Variants in RBFOX1 observed in about 807,000 individuals in gnomAD.
RBFOX1 encodes RNA binding protein fox-1 homolog 1.
In RBFOX1, 8 loss-of-function variants were observed where a neutral mutation model predicts 57.7. That is an observed-to-expected ratio of 0.14 (90% CI 0.08 to 0.25). The LOEUF (loss-of-function observed/expected upper bound fraction) is 0.25. RBFOX1 is among the 10% of genes least tolerant of loss of function. The probability of loss-of-function intolerance (pLI) is 1.00; values close to 1 mark genes in which losing one functional copy is unlikely to be tolerated. For missense variants in RBFOX1, 611 were observed against 548.5 expected (o/e 1.11, Z -1.14); for synonymous variants, 326 against 222.4 (o/e 1.47, Z -4.15).
At chr16:7,055,806 A>G (rs2051998151) in intron 4 of RBFOX1, among the ~76,000 whole-genome samples, 1 of 152,176 alleles carries the variant, frequency 6.6e-6, no homozygotes, top group Non-Finnish European at 1.5e-5. Flanking sequence ...GGAGTCTGCT[A>G]CAAAAGGAAT....
intron 4 of RBFOX1, among the ~76,000 whole-genome samples, chr16:7,094,357 G>T (rs553898817): frequency 3.2e-4 from 49 of 151,986 alleles, no homozygotes; most frequent in African/African-American, 1.2e-3. Flanking sequence ...AGAGAGCTTT[G>T]CCCATTGTCT....
At chr16:6,443,283 C>G (rs547243833) in intron 2 of RBFOX1, among the ~76,000 whole-genome samples, 1 of 152,132 alleles carries the variant, frequency 6.6e-6, no homozygotes, top group African/African-American at 2.4e-5. Flanking sequence ...TTCCTGCGTG[C>G]TATCTCTCAC....
chr16:5,771,003 A>G (rs2053959677), intron 3 of RBFOX1, among the ~76,000 whole-genome samples: 1 of 152,204 alleles, frequency 6.6e-6, no homozygotes, highest in Non-Finnish European at 1.5e-5. Context: ...GTGGTCTGCA[A>G]ACGAGCAGTG....
At chr16:7,108,956 A>G (rs1272618518) in intron 4 of RBFOX1, among the ~76,000 whole-genome samples, 1 of 152,180 alleles carries the variant, frequency 6.6e-6, no homozygotes, top group Non-Finnish European at 1.5e-5. Context: ...AAGGAGGAGA[A>G]AAGCATGAAG....
intron 1 of RBFOX1, among the ~76,000 whole-genome samples, chr16:6,288,622 A>C (rs770423404): frequency 1.3e-5 from 2 of 152,158 alleles, no homozygotes; most frequent in Admixed American, 6.5e-5. Context: ...TCTGAGTTGC[A>C]CTTCTGGGAA....
chr16:5,851,153 A>C (rs2056888474), intron 3 of RBFOX1, among the ~76,000 whole-genome samples: 2 of 152,158 alleles, frequency 1.3e-5, no homozygotes, highest in Non-Finnish European at 1.5e-5. Context: ...CTGGGTTGTG[A>C]AGCCAGACCC....
At chr16:6,141,024 C>A (rs538614616) in intron 1 of RBFOX1, among the ~76,000 whole-genome samples, 3 of 152,282 alleles carry the variant, frequency 2.0e-5, no homozygotes, top group East Asian at 1.9e-4. Context: ...TCTGCCCTCC[C>A]ACATTGTTGT....
At chr16:5,430,297 G>T (rs2067691397) in intron 1 of RBFOX1, among the ~76,000 whole-genome samples, 1 of 152,142 alleles carries the variant, frequency 6.6e-6, no homozygotes. Context: ...CTCTCAAAGT[G>T]ACACCTGAAA....
chr16:7,252,542 C>G (rs1162086090), intron 4 of RBFOX1, among the ~76,000 whole-genome samples: 3 of 152,172 alleles, frequency 2.0e-5, no homozygotes, highest in African/African-American at 4.8e-5. Flanking sequence ...GTTGGAAGAT[C>G]TGACAAAGCT....
At chr16:6,127,840 A>AT (rs1418323112) in intron 1 of RBFOX1, among the ~76,000 whole-genome samples, 2 of 151,872 alleles carry the variant, frequency 1.3e-5, no homozygotes, top group African/African-American at 4.8e-5. Context: ...CCTAAAAAAA[A>AT]TTTTTTTCTT....
At chr16:6,819,427 G>T (rs1290329056) in intron 3 of RBFOX1, among the ~76,000 whole-genome samples, 3 of 152,130 alleles carry the variant, frequency 2.0e-5, no homozygotes, top group Non-Finnish European at 4.4e-5. Context: ...GAAACCAAAA[G>T]GTAGGCCGGG....
At chr16:7,628,643 G>A (rs1047321654) in intron 10 of RBFOX1, among the ~76,000 whole-genome samples, 2 of 151,842 alleles carry the variant, frequency 1.3e-5, no homozygotes, top group African/African-American at 4.8e-5. Flanking sequence ...ATGGAGTTTT[G>A]CTCTTGTCAC....
chr16:5,285,198 A>C (rs913236188), intron 1 of RBFOX1, among the ~76,000 whole-genome samples: 6 of 152,154 alleles, frequency 3.9e-5, no homozygotes, highest in Non-Finnish European at 7.4e-5. Flanking sequence ...ACTAGTCTTC[A>C]ACTTCAGAAA....
chr16:7,427,324 G>C (rs561912604), intron 4 of RBFOX1, among the ~76,000 whole-genome samples: 3 of 152,144 alleles, frequency 2.0e-5, no homozygotes, highest in Non-Finnish European at 1.5e-5. Context: ...GTAGGACGGG[G>C]CCAAGTAATT....
intron 1 of RBFOX1, among the ~76,000 whole-genome samples, chr16:5,321,192 C>G (rs529622112): frequency 5.3e-5 from 8 of 152,308 alleles, no homozygotes; most frequent in African/African-American, 1.9e-4. Flanking sequence ...CCTCTCCCCA[C>G]TAGATGCCAG....
chr16:6,665,736 G>A (rs910747972), intron 3 of RBFOX1, among the ~76,000 whole-genome samples: 6 of 151,502 alleles, frequency 4.0e-5, no homozygotes, highest in Non-Finnish European at 7.4e-5. Flanking sequence ...ACCTTGCATT[G>A]AGGATTTACT....
chr16:6,442,484 G>A (rs1412051492), intron 2 of RBFOX1, among the ~76,000 whole-genome samples: 2 of 152,010 alleles, frequency 1.3e-5, no homozygotes, highest in East Asian at 3.9e-4. Context: ...TTGAGCCTGG[G>A]AAGCGGAGGT....
chr16:6,562,301 C>T (rs1342301934), intron 2 of RBFOX1, among the ~76,000 whole-genome samples: 1 of 152,198 alleles, frequency 6.6e-6, no homozygotes, highest in Admixed American at 6.5e-5. Flanking sequence ...ACTAATTGTA[C>T]AGAACAGTCA....
chr16:7,263,485 C>T (rs1255074440), intron 4 of RBFOX1, among the ~76,000 whole-genome samples: 1 of 152,298 alleles, frequency 6.6e-6, no homozygotes, highest in East Asian at 1.9e-4. Flanking sequence ...AAACCAGTGT[C>T]TCTGGATTTG....
Sources: allele counts gnomAD v4.1 joint callset (sites outside exome capture counted in the v4.1 genomes callset), GRCh38; gene constraint gnomAD v4.1.1; transcripts MANE v1.5; gene names NCBI Gene and HGNC (gene_info 2026-07-23, HGNC 2026-07-21).